Variants in ZNF883 observed in about 807,000 individuals in gnomAD.
ZNF883 encodes the protein zinc finger protein 883.
chr9:112,992,403 A>G (rs550585043), downstream of ZNF883, among the ~76,000 whole-genome samples: 1 of 152,252 alleles, frequency 6.6e-6, no homozygotes, highest in South Asian at 2.1e-4. Flanking sequence ...AATGTTGAAT[A>G]TTGGCCTCCT....
chr9:112,997,896 C>A (rs1324668632), exon 1 of ZNF883: 18 of 1,613,732 alleles, frequency 1.1e-5, no homozygotes, highest in Non-Finnish European at 1.5e-5. Flanking sequence ...TAGGGTTTTT[C>A]TCCAGTATGG....
chr9:113,007,656 G>T (rs894741189), intron 2 of ZNF883, among the ~76,000 whole-genome samples: 2 of 152,162 alleles, frequency 1.3e-5, no homozygotes, highest in Non-Finnish European at 2.9e-5. Flanking sequence ...AAATAAAAAC[G>T]AGTGCCAGAT....
At position 112,991,848 on chromosome 9, in the gene ZNF883, G is replaced by GT. The variant is rs1564330725; in HGVS notation, n.309+6854dup. Among the ~76,000 whole-genome samples the GT allele has an allele frequency of 2.0e-5, 3 of 152,154 alleles. No homozygotes were observed. In the East Asian group the frequency reaches 5.8e-4, roughly 29 times the overall value. On this transcript the variant is annotated intron_variant and non_coding_transcript_variant, in intron 1 of 9. Coordinates refer to the ZNF883 transcript ENST00000638823. ...ACCATTATGTAATGCCCTTCTTTGTGTTTTTTGATCTTTGTTGGTTTAAAG... is the reference window on the plus strand; with the variant it reads ...ACCATTATGTAATGCCCTTCTTTGTGTTTTTTTGATCTTTGTTGGTTTAAAG...
chr9:112,997,891 T>G (rs1587894703), exon 1 of ZNF883: 1 of 1,613,660 alleles, frequency 6.2e-7, no homozygotes, highest in South Asian at 1.1e-5. Context: ...AAGGATAGGG[T>G]TTTTCTCCAG....
intron 2 of ZNF883, among the ~76,000 whole-genome samples, chr9:113,008,361 G>A (rs920322900): frequency 6.6e-6 from 1 of 152,118 alleles, no homozygotes; most frequent in African/African-American, 2.4e-5. Context: ...TAATGAAACT[G>A]AAAATGAGAC....
chr9:112,996,605 C>G (rs564034532), downstream of ZNF883, among the ~76,000 whole-genome samples: 10 of 150,450 alleles, frequency 6.6e-5, no homozygotes, highest in African/African-American at 2.2e-4. Context: ...TCCTGGCTAA[C>G]ACGGTGAAAC....
intron 1 of ZNF883, among the ~76,000 whole-genome samples, chr9:112,988,909 T>C (rs12378816): frequency 0.063 from 9,626 of 152,238 alleles, 628 homozygotes; most frequent in East Asian, 0.34. Context: ...TTTTTCATGT[T>C]TGTTCACCAC....
chr9:112,991,192 T>G lies in ZNF883; in HGVS notation n.309+7511A>C, dbSNP rs543227647. 2.6e-5 allele frequency among the ~76,000 whole-genome samples: 4 copies of G among 152,300 alleles called. No homozygotes were observed. In the East Asian group the frequency reaches 5.8e-4, roughly 22 times the overall value. On this transcript the variant is annotated intron_variant and non_coding_transcript_variant, in intron 1 of 9. Coordinates refer to the ZNF883 transcript ENST00000638823. ...TTTAGTTGTGATGCTGGGTGTCTAT[T>G]TGAGATCTTTCTAGCCTTCTGATGT...
At chr9:112,988,267 A>G (rs1828271836) in intron 1 of ZNF883, among the ~76,000 whole-genome samples, 2 of 152,038 alleles carry the variant, frequency 1.3e-5, no homozygotes, top group South Asian at 4.1e-4. Context: ...TAAGTCTCAC[A>G]TGTATTAGCT....
chr9:112,998,136 C>G, exon 1 of ZNF883: 1 of 1,613,938 alleles, frequency 6.2e-7, no homozygotes, highest in Non-Finnish European at 8.5e-7. Flanking sequence ...ATTTTACATT[C>G]ATAAGGTTTT....
At chr9:113,000,846 A>C (rs558518211), upstream of ZNF883, among the ~76,000 whole-genome samples, 1 of 152,254 alleles carries the variant, frequency 6.6e-6, no homozygotes, top group South Asian at 2.1e-4. Context: ...AGTTGAAAAA[A>C]TATATAAGAC....
At chr9:113,005,854 T>C (rs1287632931) in intron 2 of ZNF883, among the ~76,000 whole-genome samples, 1 of 152,194 alleles carries the variant, frequency 6.6e-6, no homozygotes. Context: ...CAGAACCTGG[T>C]ATTCACTATG....
downstream of ZNF883, among the ~76,000 whole-genome samples, chr9:112,992,157 A>T (rs1432824789): frequency 1.3e-5 from 2 of 152,212 alleles, no homozygotes; most frequent in East Asian, 1.9e-4. Flanking sequence ...AGACTTGTTG[A>T]TGTAGTTGTT....
chr9:112,996,856 T>A (rs1382300714), downstream of ZNF883, among the ~76,000 whole-genome samples: 1 of 133,902 alleles, frequency 7.5e-6, no homozygotes, highest in Non-Finnish European at 1.6e-5. Context: ...TACATTTTAA[T>A]AAATTATCTC....
At chr9:113,006,792 A>G (rs1828481457) in intron 2 of ZNF883, among the ~76,000 whole-genome samples, 1 of 152,152 alleles carries the variant, frequency 6.6e-6, no homozygotes, top group Admixed American at 6.5e-5. Context: ...ATTATTAACT[A>G]TATTTTTCAA....
downstream of ZNF883, among the ~76,000 whole-genome samples, chr9:112,992,472 T>G (rs967756764): frequency 2.6e-5 from 4 of 152,250 alleles, no homozygotes; most frequent in Middle Eastern, 3.2e-3. Context: ...GGCTCCCCTT[T>G]GTAGGTCACC....
chr9:113,001,625 C>T (rs538065117), upstream of ZNF883, among the ~76,000 whole-genome samples: 7 of 152,216 alleles, frequency 4.6e-5, no homozygotes, highest in South Asian at 1.2e-3. Context: ...GATAAATGGA[C>T]TCTTATTTAC....
exon 1 of ZNF883, chr9:112,997,125 C>T: frequency 6.3e-7 from 1 of 1,595,094 alleles, no homozygotes; most frequent in South Asian, 1.1e-5. Context: ...ACTCATTACT[C>T]TGCTAAGGTT....
intron 2 of ZNF883, among the ~76,000 whole-genome samples, chr9:113,006,899 A>T (rs547289729): frequency 1.2e-3 from 125 of 100,788 alleles, no homozygotes; most frequent in East Asian, 1.9e-3. Flanking sequence ...GTAATTTTTT[A>T]AAAAAAAAAA....
Sources: allele counts gnomAD v4.1 joint callset (sites outside exome capture counted in the v4.1 genomes callset), GRCh38; gene constraint gnomAD v4.1.1; transcripts MANE v1.5; gene names NCBI Gene and HGNC (gene_info 2026-07-23, HGNC 2026-07-21).